STXBP5L: variants seen among roughly 807,000 people sequenced by gnomAD.
The protein encoded by STXBP5L is syntaxin-binding protein 5-like.
Under a neutral mutation model 144.5 loss-of-function variants are expected in STXBP5L, and 65 were observed. That is an observed-to-expected ratio of 0.45 (90% CI 0.37 to 0.55). The LOEUF is 0.55. STXBP5L is among the 20% of genes least tolerant of loss of function. The probability of loss-of-function intolerance (pLI) is 0.00; values close to 1 mark genes in which losing one functional copy is unlikely to be tolerated. For synonymous variants in STXBP5L, 505 were observed against 469.6 expected (o/e 1.08, Z -0.97); for missense variants, 1,298 against 1,405.5 (o/e 0.92, Z 1.22).
chr3:121,404,430 C>T (rs998983723), intron 22 of STXBP5L, among the ~76,000 whole-genome samples: 1 of 152,110 alleles, frequency 6.6e-6, no homozygotes, highest in African/African-American at 2.4e-5. Context: ...CCTTGGTTCC[C>T]TTTAGGATAC....
At chr3:121,178,550 A>T (rs762509652) in intron 9 of STXBP5L, among the ~76,000 whole-genome samples, 1 of 152,222 alleles carries the variant, frequency 6.6e-6, no homozygotes, top group African/African-American at 2.4e-5. Flanking sequence ...ACTGGTTTAT[A>T]TAAAAACTCT....
intron 20 of STXBP5L, among the ~76,000 whole-genome samples, chr3:121,368,895 T>A (rs1440089707): frequency 6.6e-6 from 1 of 152,154 alleles, no homozygotes; most frequent in East Asian, 1.9e-4. Context: ...GAGCTTTAAA[T>A]CCCTTGGAAG....
intron 5 of STXBP5L, among the ~76,000 whole-genome samples, chr3:121,053,717 C>T (rs1470130112): frequency 2.0e-5 from 3 of 152,160 alleles, no homozygotes; most frequent in Non-Finnish European, 2.9e-5. Flanking sequence ...GCAATGACAA[C>T]AAAAGCCAAA....
Position 120,908,227 on chromosome 3 carries a change from A to AG in STXBP5L, c.-115dup, listed in dbSNP as rs1178952931. ...CCTGACTGCTCGGTTAGGACCTCGG[A>AG]GAGCGCCAGGCGCCGCGACCAGAGG... On this transcript the variant is annotated 5_prime_UTR_variant, in exon 1 of 27. Transcript: ENST00000471454. 2 of 152,152 alleles carry AG rather than the reference A, an allele frequency of 1.3e-5. No individual in the cohort carries two copies. The highest frequency in any genetic ancestry group is 2.9e-5 in the Non-Finnish European group (2 of 68,042). 9.4% of individuals were successfully genotyped at this position (152,152 alleles called of 1,614,324 possible).
chr3:121,106,283 G>T (rs547070075), intron 5 of STXBP5L, among the ~76,000 whole-genome samples: 1 of 152,112 alleles, frequency 6.6e-6, no homozygotes, highest in Non-Finnish European at 1.5e-5. Flanking sequence ...TACATGTGAA[G>T]GACATCCAGG....
chr3:121,133,419 A>T (rs1349731273), intron 7 of STXBP5L, among the ~76,000 whole-genome samples: 1 of 152,204 alleles, frequency 6.6e-6, no homozygotes, highest in Non-Finnish European at 1.5e-5. Flanking sequence ...GAATCTTTAT[A>T]AGATAATCCA....
intron 3 of STXBP5L, among the ~76,000 whole-genome samples, chr3:120,987,564 C>T (rs1204892317): frequency 4.0e-5 from 6 of 151,706 alleles, no homozygotes; most frequent in Non-Finnish European, 5.9e-5. Flanking sequence ...CATTTCTTAA[C>T]TTGTATTTTC....
intron 5 of STXBP5L, among the ~76,000 whole-genome samples, chr3:121,053,312 G>A (rs1393475264): frequency 1.1e-4 from 16 of 152,088 alleles, no homozygotes; most frequent in Admixed American, 5.9e-4. Flanking sequence ...GAACAAAGTC[G>A]GAGGCATCAC....
intron 20 of STXBP5L, among the ~76,000 whole-genome samples, chr3:121,322,548 A>G (rs2044008746): frequency 6.6e-6 from 1 of 150,980 alleles, no homozygotes; most frequent in Admixed American, 6.6e-5. Context: ...TATGAACCAC[A>G]TTTTCTTTAT....
chr3:121,366,694 A>G (rs1430353209), intron 20 of STXBP5L, among the ~76,000 whole-genome samples: 1 of 152,058 alleles, frequency 6.6e-6, no homozygotes, highest in Admixed American at 6.6e-5. Flanking sequence ...TTATCCTTTC[A>G]GTCAATCTCT....
intron 5 of STXBP5L, among the ~76,000 whole-genome samples, chr3:121,092,778 A>T (rs924320089): frequency 6.6e-6 from 1 of 152,098 alleles, no homozygotes; most frequent in Admixed American, 6.6e-5. Flanking sequence ...TCTCCTGTCT[A>T]ATTGCCCTGG....
chr3:121,190,554 C>A (rs1477431609), intron 9 of STXBP5L, among the ~76,000 whole-genome samples: 1 of 152,254 alleles, frequency 6.6e-6, no homozygotes, highest in Non-Finnish European at 1.5e-5. Context: ...GGCCCCTTCT[C>A]AATGAGCTGT....
intron 19 of STXBP5L, among the ~76,000 whole-genome samples, chr3:121,284,259 TCTC>T (rs1343116314): frequency 6.6e-6 from 1 of 152,004 alleles, no homozygotes; most frequent in Non-Finnish European, 1.5e-5. Flanking sequence ...TTTCTACTAT[TCTC>T]CTCTTAAGCC....
At chr3:121,088,095 TC>T (rs2042588974) in intron 5 of STXBP5L, among the ~76,000 whole-genome samples, 1 of 151,800 alleles carries the variant, frequency 6.6e-6, no homozygotes, top group East Asian at 1.9e-4. Flanking sequence ...ACAAATGGGA[TC>T]TAATTAAACT....
intron 3 of STXBP5L, among the ~76,000 whole-genome samples, chr3:120,975,421 T>C (rs925818382): frequency 1.3e-5 from 2 of 152,262 alleles, no homozygotes; most frequent in Non-Finnish European, 2.9e-5. Context: ...TGAAGTTGCT[T>C]ATCAGCTTAA....
At chr3:120,993,344 G>A (rs1943075825) in intron 3 of STXBP5L, among the ~76,000 whole-genome samples, 1 of 151,838 alleles carries the variant, frequency 6.6e-6, no homozygotes. Flanking sequence ...TTTTGTTTTT[G>A]TTGCGTATGC....
chr3:121,187,087 A>T (rs1479966760), intron 9 of STXBP5L, among the ~76,000 whole-genome samples: 1 of 152,140 alleles, frequency 6.6e-6, no homozygotes. Flanking sequence ...GGATAATAAA[A>T]GATGCTGCTA....
chr3:121,018,849 AC>A (rs1366179000), intron 3 of STXBP5L, among the ~76,000 whole-genome samples: 6 of 152,204 alleles, frequency 3.9e-5, no homozygotes, highest in African/African-American at 1.4e-4. Flanking sequence ...GCAGGAACAT[AC>A]CAACAAAGAC....
chr3:121,402,392 A>T (rs544433564), intron 22 of STXBP5L, among the ~76,000 whole-genome samples: 1 of 152,208 alleles, frequency 6.6e-6, no homozygotes, highest in African/African-American at 2.4e-5. Context: ...TCCAACTTTA[A>T]TATAATTCTT....
Sources: allele counts gnomAD v4.1 joint callset (sites outside exome capture counted in the v4.1 genomes callset), GRCh38; gene constraint gnomAD v4.1.1; transcripts MANE v1.5; gene names NCBI Gene and HGNC (gene_info 2026-07-23, HGNC 2026-07-21).